Variants in LRRC69 observed in about 807,000 individuals in gnomAD.
The protein encoded by LRRC69 is leucine-rich repeat-containing protein 69.
LRRC69 carries 42 observed loss-of-function variants against 37.8 expected under a neutral mutation model. The observed-to-expected ratio is 1.11, with a 90% confidence interval of 0.87 to 1.44. The LOEUF (loss-of-function observed/expected upper bound fraction) is 1.44. Among genes scored for constraint, LRRC69 ranks in the 40% most tolerant of loss-of-function variants. LRRC69 has a pLI of 0.00. For missense variants in LRRC69, 357 were observed against 401.9 expected, an observed-to-expected ratio of 0.89 and a Z score of 0.96; for synonymous variants, 141 against 143.1, an observed-to-expected ratio of 0.99 and a Z score of 0.11.
At chr8:91,164,943 A>G (rs1809002944) in intron 5 of LRRC69, among the ~76,000 whole-genome samples, 1 of 151,746 alleles carries the variant, frequency 6.6e-6, no homozygotes, top group African/African-American at 2.4e-5. Flanking sequence ...TGAACTAGCC[A>G]GAGAAGGGAC....
chr8:91,133,001 G>C, intron 3 of LRRC69, 109 bp from the exon 4 acceptor site: 1 of 624,744 alleles, frequency 1.6e-6, no homozygotes, highest in Non-Finnish European at 2.6e-6. Context: ...AAGCTCAGAA[G>C]AGCTACAAAA....
At chr8:91,176,134 A>ATATATATATATATTTTTTTTTTTTTTT in intron 5 of LRRC69, among the ~76,000 whole-genome samples, 8 of 75,688 alleles carry the variant, frequency 1.1e-4, no homozygotes, top group African/African-American at 4.9e-4. Flanking sequence ...ATATATATAT[A>ATATATATATATATTTTTTTTTTTTTTT]TTTTTTTTTT....
At chr8:91,133,038 A>C (rs1813834759) in intron 3 of LRRC69, 72 bp from the exon 4 acceptor site, 9 of 844,812 alleles carry the variant, frequency 1.1e-5, no homozygotes, top group Admixed American at 3.5e-5. Context: ...GCTTCTGCTA[A>C]GTTGGGCCTA....
At chr8:91,131,558 G>A in intron 3 of LRRC69, among the ~76,000 whole-genome samples, 1 of 151,776 alleles carries the variant, frequency 6.6e-6, no homozygotes. Context: ...ATAGTTTTCA[G>A]TGTAGAGGTC....
intron 5 of LRRC69, among the ~76,000 whole-genome samples, chr8:91,148,483 TGTTGG>T (rs896634814): frequency 1.1e-4 from 17 of 151,992 alleles, no homozygotes; most frequent in African/African-American, 3.9e-4. Context: ...AGTCTATCAT[TGTTGG>T]ACATTTGGCT....
intron 5 of LRRC69, among the ~76,000 whole-genome samples, chr8:91,186,112 T>C (rs926414112): frequency 2.0e-4 from 30 of 152,232 alleles, no homozygotes; most frequent in Admixed American, 1.6e-3. Flanking sequence ...AAATCTTGAG[T>C]GCGCAGGGAG....
At chr8:91,152,938 G>A (rs570386280) in intron 5 of LRRC69, among the ~76,000 whole-genome samples, 3 of 151,266 alleles carry the variant, frequency 2.0e-5, no homozygotes, top group South Asian at 4.2e-4. Context: ...TGACAAATTG[G>A]ATAAAGTGTC....
intron 2 of LRRC69, 24 bp downstream of exon 2, chr8:91,124,643 CATT>C: frequency 6.7e-7 from 1 of 1,492,328 alleles, no homozygotes; most frequent in East Asian, 2.6e-5. Flanking sequence ...CAAGGAACAA[CATT>C]ATAGCATCAA....
At chr8:91,117,254 A>T (rs1314644982) in intron 1 of LRRC69, among the ~76,000 whole-genome samples, 1 of 152,104 alleles carries the variant, frequency 6.6e-6, no homozygotes, top group African/African-American at 2.4e-5. Context: ...CAATACATCC[A>T]TTCTTTACAT....
At chr8:91,177,045 A>T (rs1809244302) in intron 5 of LRRC69, among the ~76,000 whole-genome samples, 1 of 152,158 alleles carries the variant, frequency 6.6e-6, no homozygotes, top group Non-Finnish European at 1.5e-5. Context: ...AAAATAGGTA[A>T]TTATAGTCTT....
At chr8:91,117,208 C>T (rs10096149) in intron 1 of LRRC69, among the ~76,000 whole-genome samples, 114,294 of 151,908 alleles carry the variant, frequency 0.75, 44,248 homozygotes, top group African/African-American at 0.91. Flanking sequence ...TGTTTAGATA[C>T]AATCTAGTAG....
chr8:91,104,902 T>C (rs946723602), intron 1 of LRRC69, among the ~76,000 whole-genome samples: 3 of 152,100 alleles, frequency 2.0e-5, no homozygotes, highest in African/African-American at 4.8e-5. Flanking sequence ...TTCCAAGATA[T>C]ATTTCCATAG....
chr8:91,176,134 A>ATATATATTTTTTTTTTTTT, intron 5 of LRRC69, among the ~76,000 whole-genome samples: 36 of 75,694 alleles, frequency 4.8e-4, no homozygotes, highest in African/African-American at 1.8e-3. Flanking sequence ...ATATATATAT[A>ATATATATTTTTTTTTTTTT]TTTTTTTTTT....
At chr8:91,135,529 G>A in intron 4 of LRRC69, 139 bp from the exon 5 acceptor site, 2 of 501,020 alleles carry the variant, frequency 4.0e-6, no homozygotes, top group Non-Finnish European at 7.0e-6. Context: ...TCGGGAAGAT[G>A]TGCTGAAGAA....
At chr8:91,162,371 T>A (rs1586257604) in intron 5 of LRRC69, among the ~76,000 whole-genome samples, 2 of 151,608 alleles carry the variant, frequency 1.3e-5, no homozygotes, top group East Asian at 3.9e-4. Context: ...CAACTATTAT[T>A]GTACTAGGGT....
intron 1 of LRRC69, among the ~76,000 whole-genome samples, chr8:91,103,436 T>A (rs1224407420): frequency 6.6e-6 from 1 of 152,008 alleles, no homozygotes; most frequent in Non-Finnish European, 1.5e-5. Flanking sequence ...ATAGTTGACA[T>A]GAATGAATCC....
At chr8:91,189,308 C>T in intron 5 of LRRC69, among the ~76,000 whole-genome samples, 1 of 152,152 alleles carries the variant, frequency 6.6e-6, no homozygotes, top group Non-Finnish European at 1.5e-5. Flanking sequence ...CATGGCCATT[C>T]ATGCCACCAT....
chr8:91,133,189 CT>C lies in LRRC69; in HGVS notation c.465del (p.Val156LeufsTer10). 1 of 1,543,980 alleles carries C rather than the reference CT, an allele frequency of 6.5e-7. No homozygotes were observed. Among genetic ancestry groups the C allele is most frequent in the Non-Finnish European group, 8.7e-7 (1 of 1,144,844 alleles). On this transcript the variant is annotated frameshift_variant, in exon 4 of 8. Transcript: ENST00000448384. LOFTEE classifies it high-confidence loss of function. The stretch of plus-strand genomic sequence containing the variant: ...TAGAGAACTTTGTTTTCTTGAGAAT[CT>C]TGTTGAACTTCAACTTAACTACAAT...
At chr8:91,210,944 G>T (rs1809902689) in intron 7 of LRRC69, among the ~76,000 whole-genome samples, 1 of 151,974 alleles carries the variant, frequency 6.6e-6, no homozygotes, top group African/African-American at 2.4e-5. Flanking sequence ...GACACATTTT[G>T]GTAAAACTAT....
Sources: gnomAD v4.1 joint callset for allele counts (sites outside exome capture counted in the v4.1 genomes callset) on GRCh38, gnomAD v4.1.1 for gene constraint, MANE v1.5 for transcripts, NCBI Gene and HGNC (gene_info 2026-07-23, HGNC 2026-07-21) for gene names.